The following MCCC1 variants were observed in gnomAD, a reference collection of about 807,000 sequenced individuals.
The protein encoded by MCCC1 is methylcrotonyl-CoA carboxylase subunit 1, also known as methylcrotonoyl-CoA carboxylase subunit alpha, mitochondrial.
Under a neutral mutation model 83.8 loss-of-function variants are expected in MCCC1, and 64 were observed. The observed-to-expected ratio is 0.76, with a 90% CI of 0.62 to 0.94. MCCC1 has a LOEUF of 0.94. MCCC1 is among the 40% of genes least tolerant of loss of function. The probability of loss-of-function intolerance (pLI) is 0.00; values close to 1 mark genes in which losing one functional copy is unlikely to be tolerated. For missense variants in MCCC1, 807 were observed against 904.7 expected, an observed-to-expected ratio of 0.89 and a Z score of 1.39; for synonymous variants, 322 against 315.4, an observed-to-expected ratio of 1.02 and a Z score of -0.22.
At chr3:183,102,758 GTTTTTTTTTTTT>G (rs566199257), upstream of MCCC1, among the ~76,000 whole-genome samples, 96 of 52,222 alleles carry the variant, frequency 1.8e-3, 7 homozygotes, top group African/African-American at 6.0e-3. Context: ...AGCAGAGAAA[GTTTTTTTTTTTT>G]TTTTTTTTTT....
At chr3:183,017,497 A>T (rs1229504535) in intron 17 of MCCC1, 160 bp from the exon 18 acceptor site, 2 of 692,134 alleles carry the variant, frequency 2.9e-6, no homozygotes, top group East Asian at 5.4e-5. Flanking sequence ...AAGAAAAAAA[A>T]CAACACAGAG....
intron 15 of MCCC1, 27 bp downstream of exon 15, chr3:183,025,727 AC>A: frequency 6.2e-7 from 1 of 1,604,416 alleles, no homozygotes; most frequent in Non-Finnish European, 8.5e-7. Flanking sequence ...TCAGCTCTGC[AC>A]TGTAGAACAA....
chr3:183,040,098 GAAAAAAAAAAAAAAA>G (rs57389038), intron 11 of MCCC1, among the ~76,000 whole-genome samples: 7 of 34,596 alleles, frequency 2.0e-4, no homozygotes, highest in African/African-American at 4.0e-4. Context: ...CTCCATCTCA[GAAAAAAAAAAAAAAA>G]AAAAAAAAAA....
At chr3:183,025,671 G>A in intron 15 of MCCC1, 84 bp downstream of exon 15, 3 of 1,229,498 alleles carry the variant, frequency 2.4e-6, no homozygotes, top group Non-Finnish European at 3.6e-6. Context: ...AGGCTTAAGG[G>A]AAACCAGAGA....
chr3:183,034,021 T>C lies in MCCC1; in HGVS notation c.1651A>G (p.Arg551Gly). 6.2e-7 allele frequency: 1 copy of C among 1,611,416 alleles called. No homozygotes were observed. The highest frequency in any genetic ancestry group is 8.5e-7 in the Non-Finnish European group (1 of 1,178,256). ...SGRRLNISYTRNMTLKDGKNN... is the reference protein window; with the variant it reads ...SGRRLNISYTGNMTLKDGKNN... ...TTACCATCTTTAAGAGTCATGTTTC[T>C]GGTATACGAGATATTCAGTCTTCTT... The change falls in exon 14 of 19, where the codon AGA becomes GGA. Residue 551 changes from arginine to glycine, a missense_variant. Transcript: ENST00000265594.
At chr3:183,087,893 T>C (rs1364628500) in intron 3 of MCCC1, among the ~76,000 whole-genome samples, 1 of 141,568 alleles carries the variant, frequency 7.1e-6, no homozygotes. Flanking sequence ...AAAAAAAGGA[T>C]GATCAAGACT....
chr3:183,031,274 C>G (rs1713044975), intron 14 of MCCC1, among the ~76,000 whole-genome samples: 1 of 152,120 alleles, frequency 6.6e-6, no homozygotes, highest in East Asian at 1.9e-4. Context: ...GCAAATGAAA[C>G]AATCTTTGGA....
chr3:183,113,853 A>G (rs2108588571), intron 1 of MCCC1, among the ~76,000 whole-genome samples: 1 of 152,294 alleles, frequency 6.6e-6, no homozygotes, highest in Non-Finnish European at 1.5e-5. Flanking sequence ...GGTCAAAAAT[A>G]CAGGCAAAAT....
chr3:183,061,689 C>T (rs1475675041), intron 7 of MCCC1, among the ~76,000 whole-genome samples: 1 of 152,262 alleles, frequency 6.6e-6, no homozygotes, highest in Non-Finnish European at 1.5e-5. Flanking sequence ...AGAGTGAAGG[C>T]TTGCCCCATG....
intron 1 of MCCC1, among the ~76,000 whole-genome samples, chr3:183,110,428 C>T (rs1312169240): frequency 6.9e-6 from 1 of 145,852 alleles, no homozygotes; most frequent in Non-Finnish European, 1.5e-5. Flanking sequence ...GAGTCTCACT[C>T]TGTCACCCAG....
At chr3:183,089,583 C>G (rs1320529995) in intron 3 of MCCC1, among the ~76,000 whole-genome samples, 1 of 152,096 alleles carries the variant, frequency 6.6e-6, no homozygotes, top group Admixed American at 6.5e-5. Context: ...CACTGCACTC[C>G]AGCCTAGCTG....
upstream of MCCC1, among the ~76,000 whole-genome samples, chr3:183,102,604 G>T (rs1376123766): frequency 6.6e-6 from 1 of 151,662 alleles, no homozygotes; most frequent in African/African-American, 2.4e-5. Context: ...GAAGTGATTG[G>T]GACCAGTGAT....
intron 15 of MCCC1, chr3:183,022,776 T>C (rs1328979990): frequency 4.2e-6 from 2 of 480,204 alleles, no homozygotes; most frequent in Non-Finnish European, 7.3e-6. Flanking sequence ...AAAAAAAAGT[T>C]ATATAACTTA....
intron 7 of MCCC1, among the ~76,000 whole-genome samples, chr3:183,066,005 T>C (rs1577321017): frequency 6.6e-6 from 1 of 152,210 alleles, no homozygotes; most frequent in Admixed American, 6.5e-5. Context: ...ATTTGGCTTA[T>C]TTGGCATAAG....
intron 1 of MCCC1, among the ~76,000 whole-genome samples, chr3:183,106,881 A>T (rs59689670): frequency 0.034 from 5,103 of 152,174 alleles, 293 homozygotes; most frequent in African/African-American, 0.12. Flanking sequence ...GTGTACACAC[A>T]CACACTCACA....
At position 183,092,327 on chromosome 3, in the gene MCCC1, TC is replaced by T. The variant is rs1309825986; in HGVS notation, c.273+81del. 4.5e-6 allele frequency: 7 copies of T among 1,560,860 alleles called. No individual in the cohort carries two copies. In the South Asian group the frequency reaches 7.8e-5, roughly 17 times the overall value. ...TCAACCCTGATAACACTAGCAAATA[TC>T]AACTGTCATCATAAAGAACGAAAAT... On this transcript the variant is annotated intron_variant, in intron 3 of 18. Coordinates refer to ENST00000265594, the MANE Select transcript of MCCC1 (RefSeq NM_020166.5).
In MCCC1 at chr3:183,039,218, A is replaced by T. The variant is rs907593932; in HGVS notation, c.1268-83T>A. ...ACGAGCAAGACATTTTGTTATGTAC[A>T]TTTCACGCTTAATCCTCATAAACCC... On this transcript the variant is annotated intron_variant, in intron 11 of 18. Coordinates refer to ENST00000265594, the MANE Select transcript of MCCC1 (RefSeq NM_020166.5). The T allele has an allele frequency of 6.3e-6, 8 of 1,260,006 alleles. No individual in the cohort carries two copies. The African/African-American group carries it at 1.2e-4, about 18-fold the overall frequency. The allele number at this position is 1,260,006 out of a possible 1,614,324, so 78.1% of individuals were successfully genotyped here.
chr3:183,071,717 T>TA (rs746193056), intron 5 of MCCC1, among the ~76,000 whole-genome samples: 240 of 19,548 alleles, frequency 0.012, no homozygotes, highest in East Asian at 0.031. Flanking sequence ...TTTTTTTTTT[T>TA]TAGAGACAGG....
At chr3:183,094,087 C>T (rs1315165616) in intron 2 of MCCC1, among the ~76,000 whole-genome samples, 17 of 137,666 alleles carry the variant, frequency 1.2e-4, no homozygotes, top group Non-Finnish European at 2.1e-4. Flanking sequence ...CTTGCTCTGT[C>T]GCCCAGGCTG....
Sources: gnomAD v4.1 joint callset for allele counts (sites outside exome capture counted in the v4.1 genomes callset) on GRCh38, gnomAD v4.1.1 for gene constraint, MANE v1.5 for transcripts, NCBI Gene and HGNC (gene_info 2026-07-23, HGNC 2026-07-21) for gene names.